The following PTGER3 variants were observed in gnomAD, a reference collection of about 807,000 sequenced individuals.
PTGER3 encodes the protein prostaglandin E2 receptor EP3 subtype.
In PTGER3, 22 loss-of-function variants were observed where a neutral mutation model predicts 34.7. That is an observed-to-expected ratio of 0.63 (90% CI 0.45 to 0.91). The LOEUF is 0.91. PTGER3 is among the 40% of genes least tolerant of loss of function. PTGER3 has a pLI of 0.00. For synonymous variants in PTGER3, 241 were observed against 230.1 expected (o/e 1.05, Z -0.43); for missense variants, 468 against 519.4 (o/e 0.90, Z 0.96).
chr1:71,040,148 AAAG>A (rs936760287), intron 1 of PTGER3, among the ~76,000 whole-genome samples: 1 of 150,512 alleles, frequency 6.6e-6, no homozygotes, highest in African/African-American at 2.5e-5. Context: ...AGAAAGAAAA[AAAG>A]AAAGAAAAGA....
downstream of PTGER3, among the ~76,000 whole-genome samples, chr1:70,948,865 C>G (rs1371077202): frequency 6.6e-6 from 1 of 152,160 alleles, no homozygotes; most frequent in Admixed American, 6.5e-5. Flanking sequence ...CAACCCTACT[C>G]TCTCTGTGGA....
At chr1:70,931,838 A>G (rs1317393642) in intron 4 of PTGER3, among the ~76,000 whole-genome samples, 1 of 152,156 alleles carries the variant, frequency 6.6e-6, no homozygotes, top group Non-Finnish European at 1.5e-5. Context: ...TGCCCTGGGT[A>G]CATTTTCCCC....
intron 2 of PTGER3, among the ~76,000 whole-genome samples, chr1:70,992,910 T>C (rs1372159162): frequency 6.6e-6 from 1 of 152,188 alleles, no homozygotes; most frequent in Non-Finnish European, 1.5e-5. Flanking sequence ...ATAGCAACAG[T>C]ATAACTAAGA....
intron 2 of PTGER3, chr1:71,011,424 A>T: frequency 2.0e-6 from 2 of 985,306 alleles, no homozygotes; most frequent in Non-Finnish European, 2.4e-6. Flanking sequence ...GAGTACCTAT[A>T]GTTAGTGCTC....
chr1:71,040,670 A>G (rs1228505004), intron 1 of PTGER3, among the ~76,000 whole-genome samples: 1 of 152,214 alleles, frequency 6.6e-6, no homozygotes, highest in Non-Finnish European at 1.5e-5. Context: ...GTGGCAAGCA[A>G]TTATGATAGT....
rs1316640877 is a variant in PTGER3 at position 70,932,212 on chromosome 1, A to C, written c.*23+21551T>G. Reference sequence around the variant, plus strand: ...GTTCCTCATCTCCATCTGAGACCACATCAGCCAGGACCTTATCATTCATAT... The same window carrying C: ...GTTCCTCATCTCCATCTGAGACCACCTCAGCCAGGACCTTATCATTCATAT... On this transcript the variant is annotated intron_variant, in intron 4 of 4. Coordinates refer to the PTGER3 transcript ENST00000370931. Among the ~76,000 whole-genome samples the C allele has an allele frequency of 4.6e-5, 7 of 152,218 alleles. No homozygotes were observed. The East Asian group carries it at 1.4e-3, about 29-fold the overall frequency.
At chr1:70,970,396 C>A (rs1652951514), downstream of PTGER3, among the ~76,000 whole-genome samples, 1 of 152,002 alleles carries the variant, frequency 6.6e-6, no homozygotes, top group Non-Finnish European at 1.5e-5. Flanking sequence ...CAGCTTTGTG[C>A]TAGTTAAGAC....
chr1:70,913,310 T>C (rs185245128), intron 4 of PTGER3, among the ~76,000 whole-genome samples: 291 of 152,130 alleles, frequency 1.9e-3, no homozygotes, highest in African/African-American at 6.8e-3. Context: ...ATTGCTAGTA[T>C]ACAGAAATGA....
chr1:70,980,118 C>A (rs1468848175), intron 2 of PTGER3, among the ~76,000 whole-genome samples: 1 of 152,004 alleles, frequency 6.6e-6, no homozygotes, highest in African/African-American at 2.4e-5. Context: ...AAGTCTTGAA[C>A]AAAGACAGGA....
rs1309850423 is a variant in PTGER3 at position 71,047,096 on chromosome 1, G to T, written c.482C>A (p.Ala161Glu). ...CATGTGGCTCGCATACCAGTGCGGC[G>T]CCCTGATGGCCAGCGCCCGCTCGAC... The part of the protein sequence containing the change: ...MAVERALAIR[A>E]PHWYASHMKT... The change falls in exon 1 of 4, where the codon GCG becomes GAG. Residue 161 changes from alanine (A) to glutamate (E), a missense_variant. This residue lies in a region of PTGER3 where 204 missense variants were observed against 230.8 expected (regional missense o/e 0.88). Coordinates refer to ENST00000306666, the MANE Select transcript of PTGER3 (RefSeq NM_198719.2). 3 of 1,607,518 alleles carry T rather than the reference G, an allele frequency of 1.9e-6. No individual in the cohort carries two copies. Among genetic ancestry groups the T allele is most frequent in the Middle Eastern group, 1.6e-4 (1 of 6,078 alleles).
chr1:70,888,397 T>C (rs1646543602), intron 4 of PTGER3, among the ~76,000 whole-genome samples: 1 of 152,200 alleles, frequency 6.6e-6, no homozygotes, highest in South Asian at 2.1e-4. Flanking sequence ...AAAAATTGCA[T>C]ATATTTAAGT....
downstream of PTGER3, chr1:70,947,594 A>G (rs1557676686): frequency 6.6e-6 from 1 of 152,090 alleles, no homozygotes; most frequent in African/African-American, 2.4e-5. Flanking sequence ...TCTTTTTCTG[A>G]AAGTAAAGGA....
chr1:71,008,187 T>C, intron 2 of PTGER3: 5 of 948,446 alleles, frequency 5.3e-6, no homozygotes, highest in Non-Finnish European at 5.0e-6. Context: ...TAGTTTCAAA[T>C]GAAGAAATAC....
downstream of PTGER3, among the ~76,000 whole-genome samples, chr1:70,952,018 A>G (rs1039976929): frequency 2.2e-4 from 33 of 152,098 alleles, no homozygotes; most frequent in African/African-American, 8.0e-4. Flanking sequence ...AAAGTGGGAT[A>G]GCATGTGCAA....
intron 4 of PTGER3, among the ~76,000 whole-genome samples, chr1:70,876,325 A>T: frequency 6.7e-6 from 1 of 149,242 alleles, no homozygotes. Flanking sequence ...TTCCCTGTAG[A>T]TTCTGGATAT....
At chr1:71,044,164 C>T (rs997818992) in intron 1 of PTGER3, among the ~76,000 whole-genome samples, 2 of 149,424 alleles carry the variant, frequency 1.3e-5, no homozygotes, top group Admixed American at 6.7e-5. Context: ...AGGCCGGGCA[C>T]GGTGGCTCAT....
At chr1:70,961,781 A>T (rs532541847) in intron 2 of PTGER3, among the ~76,000 whole-genome samples, 7 of 152,342 alleles carry the variant, frequency 4.6e-5, no homozygotes, top group African/African-American at 1.7e-4. Context: ...GGTTCAGCAG[A>T]TGGCTAATGA....
rs568785452 is a variant in PTGER3, at chr1:70,894,357, T to A, written c.*24-41498A>T. 2.4e-4 allele frequency among the ~76,000 whole-genome samples: 37 copies of A among 151,934 alleles called. No homozygotes were observed. In the South Asian group the frequency reaches 7.7e-3, roughly 32 times the overall value. ...AAGAGTGCCTGATAAATTTGTTTTC[T>A]TATGAAGTTTTGTGACAATCATCAT... On this transcript the variant is annotated intron_variant, in intron 4 of 4. Transcript: ENST00000370931.
At chr1:70,903,279 A>G (rs1034935385) in intron 4 of PTGER3, among the ~76,000 whole-genome samples, 1 of 152,180 alleles carries the variant, frequency 6.6e-6, no homozygotes, top group Non-Finnish European at 1.5e-5. Context: ...GGTCTCCAGA[A>G]CTGGAAGAAA....
Sources: allele counts gnomAD v4.1 joint callset (sites outside exome capture counted in the v4.1 genomes callset), GRCh38; gene constraint gnomAD v4.1.1; regional missense constraint gnomAD v4.1.1; transcripts MANE v1.5; gene names NCBI Gene and HGNC (gene_info 2026-07-23, HGNC 2026-07-21).